IKZF2: variants seen among roughly 807,000 people sequenced by gnomAD.
IKZF2 encodes the protein zinc finger protein Helios.
Under a neutral mutation model 49.2 loss-of-function variants are expected in IKZF2, and 15 were observed. The observed-to-expected ratio is 0.30, with a 90% CI of 0.20 to 0.47. IKZF2 has a LOEUF of 0.47. IKZF2 is among the 20% of genes least tolerant of loss of function. IKZF2 has a pLI of 1.00. For synonymous variants in IKZF2, 227 were observed against 221.4 expected (o/e 1.03, Z -0.23); for missense variants, 567 against 664.6 (o/e 0.85, Z 1.61).
chr2:213,145,083 C>G (rs2061002883), intron 4 of IKZF2, among the ~76,000 whole-genome samples: 1 of 151,074 alleles, frequency 6.6e-6, no homozygotes, highest in African/African-American at 2.4e-5. Flanking sequence ...TGGGACCTTA[C>G]AGTAGTACTG....
intron 7 of IKZF2, chr2:213,016,975 AG>A (rs1696678248): frequency 6.6e-6 from 1 of 152,166 alleles, no homozygotes; most frequent in East Asian, 1.9e-4. Flanking sequence ...AGAAGGAGGA[AG>A]GGATGTCAGG....
intron 4 of IKZF2, among the ~76,000 whole-genome samples, chr2:213,132,591 T>C (rs1287365534): frequency 6.6e-6 from 1 of 152,200 alleles, no homozygotes. Flanking sequence ...TAGAGCACCA[T>C]AAGTATGGAA....
intron 7 of IKZF2, among the ~76,000 whole-genome samples, chr2:213,015,736 A>C (rs1696508359): frequency 6.6e-6 from 1 of 152,038 alleles, no homozygotes; most frequent in Admixed American, 6.6e-5. Context: ...CCAAAGATGA[A>C]AATATGTCAG....
rs557300496 is a variant in IKZF2 at position 213,085,324 on chromosome 2, T to G, written c.140-28225A>C. ...GCCTTTTGGACACATGTTCTTATTA[T>G]GAGCCAAATTTGCCAGCAAGGCAAG... On this transcript the variant is annotated intron_variant, in intron 4 of 8. Transcript: ENST00000434687. Among the ~76,000 whole-genome samples, 14 of 152,336 alleles carry G rather than the reference T, an allele frequency of 9.2e-5. No homozygotes were observed. In the South Asian group the frequency reaches 2.9e-3, roughly 32 times the overall value.
At chr2:213,025,615 G>A (rs1276740994) in intron 6 of IKZF2, among the ~76,000 whole-genome samples, 1 of 152,092 alleles carries the variant, frequency 6.6e-6, no homozygotes, top group East Asian at 1.9e-4. Flanking sequence ...AAACACAGGA[G>A]ACAATATATA....
At chr2:213,136,165 T>A (rs1183262795) in intron 4 of IKZF2, among the ~76,000 whole-genome samples, 4 of 146,328 alleles carry the variant, frequency 2.7e-5, no homozygotes, top group African/African-American at 1.0e-4. Context: ...AGGTCAAGAG[T>A]TTGAGACCAG....
In IKZF2 at chr2:213,004,149, T is replaced by G. The variant is rs1352129638; in HGVS notation, c.*3211A>C. 1 of 151,792 alleles carries G rather than the reference T, an allele frequency of 6.6e-6. No individual in the cohort carries two copies. Among genetic ancestry groups the G allele is most frequent in the Non-Finnish European group, 1.5e-5 (1 of 67,806 alleles). 9.4% of individuals were successfully genotyped at this position (151,792 alleles called of 1,614,324 possible). ...TGCTTTTTTTTCCATGAATTCTCTT[T>G]AAAAGAATGTGTGTGTAGTATACAC... On this transcript the variant is annotated 3_prime_UTR_variant, in exon 9 of 9. Coordinates refer to ENST00000434687, the MANE Select transcript of IKZF2 (RefSeq NM_001387220.1).
intron 6 of IKZF2, among the ~76,000 whole-genome samples, chr2:213,047,376 T>C (rs934672429): frequency 6.6e-6 from 1 of 152,072 alleles, no homozygotes; most frequent in Non-Finnish European, 1.5e-5. Flanking sequence ...GGGAGGAGTT[T>C]GGGTGTGTTC....
At chr2:213,143,304 A>G (rs2060936041) in intron 4 of IKZF2, among the ~76,000 whole-genome samples, 1 of 151,932 alleles carries the variant, frequency 6.6e-6, no homozygotes, top group Non-Finnish European at 1.5e-5. Context: ...GATGATAAGG[A>G]TAATCTTTCT....
At chr2:213,045,216 C>T (rs1206302297) in intron 6 of IKZF2, among the ~76,000 whole-genome samples, 1 of 152,164 alleles carries the variant, frequency 6.6e-6, no homozygotes, top group African/African-American at 2.4e-5. Flanking sequence ...TCACACTATA[C>T]ACCCATTTAA....
rs146082438 is a variant in IKZF2, at chr2:213,039,352, C to CAT, written c.574+10359_574+10360dup. ...AGGGACTTGAAAAATAAAGATAGTC[C>CAT]ATATATATATATATACTAAAAATGT... is the stretch of plus-strand genomic sequence containing the variant. On this transcript the variant is annotated intron_variant, in intron 6 of 8. Coordinates refer to ENST00000434687, the MANE Select transcript of IKZF2 (RefSeq NM_001387220.1). Among the ~76,000 whole-genome samples, 351 of 149,738 alleles carry CAT rather than the reference C, an allele frequency of 2.3e-3. 1 individual carries two copies. Among genetic ancestry groups the CAT allele is most frequent in the African/African-American group, 5.6e-3 (228 of 40,968 alleles).
intron 8 of IKZF2, among the ~76,000 whole-genome samples, 176 bp from the exon 9 acceptor site, chr2:213,008,260 A>ATT (rs202029776): frequency 7.6e-5 from 11 of 144,710 alleles, no homozygotes; most frequent in South Asian, 4.4e-4. Flanking sequence ...GCTCACACAC[A>ATT]TTTTTTTTTT....
chr2:213,012,993 T>C (rs931856397), intron 8 of IKZF2, among the ~76,000 whole-genome samples: 1 of 152,060 alleles, frequency 6.6e-6, no homozygotes, highest in African/African-American at 2.4e-5. Context: ...AGAGACAATC[T>C]ATGACTTACA....
At chr2:213,107,190 C>T (rs1393473360) in intron 4 of IKZF2, among the ~76,000 whole-genome samples, 1 of 152,154 alleles carries the variant, frequency 6.6e-6, no homozygotes, top group Non-Finnish European at 1.5e-5. Context: ...AGCACTCAGG[C>T]TGTTAACACA....
intron 4 of IKZF2, among the ~76,000 whole-genome samples, chr2:213,134,289 G>T (rs6756758): frequency 0.27 from 40,477 of 152,126 alleles, 6,722 homozygotes; most frequent in Non-Finnish European, 0.37. Context: ...AAAAAGCAGA[G>T]AAAGTTCTTT....
intron 4 of IKZF2, among the ~76,000 whole-genome samples, chr2:213,125,747 A>G (rs2060239416): frequency 6.6e-6 from 1 of 152,222 alleles, no homozygotes; most frequent in Admixed American, 6.5e-5. Context: ...CCAACAGTGA[A>G]TGAGGAGCAA....
intron 4 of IKZF2, among the ~76,000 whole-genome samples, chr2:213,078,195 T>C (rs1425281719): frequency 6.6e-6 from 1 of 152,252 alleles, no homozygotes; most frequent in Non-Finnish European, 1.5e-5. Context: ...AGAAATTGGC[T>C]GAAATTGCTA....
chr2:213,021,742 A>G (rs1026496642), intron 7 of IKZF2: 25 of 549,026 alleles, frequency 4.6e-5, no homozygotes, highest in Non-Finnish European at 7.8e-5. Context: ...AATGAAAAAG[A>G]AGAGTAAATA....
chr2:213,043,928 T>C (rs1699902224), intron 6 of IKZF2, among the ~76,000 whole-genome samples: 1 of 152,210 alleles, frequency 6.6e-6, no homozygotes, highest in Non-Finnish European at 1.5e-5. Flanking sequence ...GTTCTTAAAT[T>C]TTAGTTAATC....
Sources: allele counts gnomAD v4.1 joint callset (sites outside exome capture counted in the v4.1 genomes callset), GRCh38; gene constraint gnomAD v4.1.1; transcripts MANE v1.5; gene names NCBI Gene and HGNC (gene_info 2026-07-23, HGNC 2026-07-21).